PLIN5: variants seen among roughly 807,000 people sequenced by gnomAD.
PLIN5 encodes the protein perilipin 5.
In PLIN5, 34 loss-of-function variants were observed where a neutral mutation model predicts 32.8. That is an observed-to-expected ratio of 1.04 (90% CI 0.79 to 1.38). The LOEUF (loss-of-function observed/expected upper bound fraction) is 1.38. PLIN5 is among the 40% of genes most tolerant of loss of function. PLIN5 has a pLI of 0.00. For missense variants in PLIN5, 712 were observed against 660.5 expected (o/e 1.08, Z -0.85); for synonymous variants, 309 against 292.9 (o/e 1.05, Z -0.56).
Position 4,524,976 on chromosome 19 carries a change from C to T in PLIN5, c.821G>A (p.Arg274His), listed in dbSNP as rs768365970. The change falls in exon 7 of 8, where the codon CGC (arginine) becomes CAC (histidine). Residue 274 changes from arginine to histidine, a missense_variant. Transcript: ENST00000381848. ...GEWGQRPPES[R>H]RRSQAELETL... ...CTGCGGTCTCACCTGGCTCCGGCGG[C>T]GGCTCTCCGGAGGGCGCTGGCCCCA... 91 of 1,531,122 alleles carry T rather than the reference C, an allele frequency of 5.9e-5. No homozygotes were observed. The highest frequency in any genetic ancestry group is 7.0e-5 in the African/African-American group (5 of 70,942). The allele number at this position is 1,531,122 out of a possible 1,614,324, so 94.8% of individuals were successfully genotyped here. A position where few individuals can be genotyped will look rare whatever the true frequency, so the allele number is the denominator to read the frequency against.
chr19:4,527,216 C>CA (rs1217374697), intron 5 of PLIN5, among the ~76,000 whole-genome samples: 2 of 152,030 alleles, frequency 1.3e-5, no homozygotes, highest in Non-Finnish European at 2.9e-5. Context: ...GCTGGGACTA[C>CA]AGGCACCCGC....
chr19:4,534,528 G>A (rs1463615840), intron 1 of PLIN5, among the ~76,000 whole-genome samples: 1 of 152,090 alleles, frequency 6.6e-6, no homozygotes, highest in African/African-American at 2.4e-5. Context: ...GTGCCACCAT[G>A]CTCGGCTAAT....
At chr19:4,529,502 A>G (rs10412918) in intron 4 of PLIN5, 19,314 of 539,038 alleles carry the variant, frequency 0.036, 2,479 homozygotes, top group African/African-American at 0.3. Flanking sequence ...ACACATATAC[A>G]TATATACATG....
chr19:4,524,572 A>G (rs895290668), intron 7 of PLIN5, among the ~76,000 whole-genome samples: 1 of 152,032 alleles, frequency 6.6e-6, no homozygotes, highest in African/African-American at 2.4e-5. Flanking sequence ...ATATAAATAA[A>G]GTGGAAAGTG....
chr19:4,523,966 C>A lies in PLIN5; in HGVS notation c.954G>T (p.Glu318Asp). Reference protein sequence around the residue: ...LPAGAQEKVAEVRRSVDALQT... With the variant: ...LPAGAQEKVADVRRSVDALQT... Reference sequence around the variant, plus strand: ...GCAGGGCATCCACACTGCGCCGCACCTCAGCCACCTTCTCCTGGGCGCCGG... The same window carrying A: ...GCAGGGCATCCACACTGCGCCGCACATCAGCCACCTTCTCCTGGGCGCCGG... Residue 318 changes from glutamate to aspartate, a missense_variant, in exon 8 of 8, where the codon GAG becomes GAT. Physicochemically the swap from Glu to Asp is conservative, Grantham distance 45. Coordinates refer to ENST00000381848, the MANE Select transcript of PLIN5 (RefSeq NM_001013706.3). This position sits in a 1 kb window ranked among gnomAD's most constrained non-coding sequence, Gnocchi z 5.0. The A allele has an allele frequency of 6.5e-7, 1 of 1,527,646 alleles. No individual in the cohort carries two copies. The highest frequency in any genetic ancestry group is 8.7e-7 in the Non-Finnish European group (1 of 1,144,520). 94.6% of individuals were successfully genotyped at this position (1,527,646 alleles called of 1,614,324 possible).
At position 4,534,108 on chromosome 19, in the gene PLIN5, A is replaced by C; in HGVS notation, c.-21-13T>G. ...AAACAGGGTCACCCTGCGGGGCAGG[A>C]TTGAGTAAGGGGAGCACCTGCCCAG... is the stretch of plus-strand genomic sequence containing the variant. On this transcript the variant is annotated splice_polypyrimidine_tract_variant and intron_variant, in intron 1 of 7. Transcript: ENST00000381848. 6.3e-7 allele frequency: 1 copy of C among 1,599,878 alleles called. No individual in the cohort carries two copies. Among genetic ancestry groups the C allele is most frequent in the Non-Finnish European group, 8.5e-7 (1 of 1,173,472 alleles).
intron 1 of PLIN5, among the ~76,000 whole-genome samples, chr19:4,534,602 C>A: frequency 6.6e-6 from 1 of 152,144 alleles, no homozygotes. Context: ...AACTCCTGGG[C>A]TCAAGTGATC....
At position 4,525,048 on chromosome 19, in the gene PLIN5, G is replaced by T; in HGVS notation, c.749C>A (p.Pro250His). 2 of 1,450,258 alleles carry T rather than the reference G, an allele frequency of 1.4e-6. No homozygotes were observed. Among genetic ancestry groups the T allele is most frequent in the Non-Finnish European group, 1.8e-6 (2 of 1,100,886 alleles). 89.8% of individuals were successfully genotyped at this position (1,450,258 alleles called of 1,614,324 possible). Residue 250 changes from proline to histidine, a missense_variant, in exon 7 of 8, where the codon CCC becomes CAC. Coordinates refer to ENST00000381848, the MANE Select transcript of PLIN5 (RefSeq NM_001013706.3). The surrounding 1 kb of genome is among the most constrained non-coding windows in gnomAD (Gnocchi z 5.6). ...LIDHMQCGVT[P>H]TAPACPGKVH... is the part of the protein sequence containing the mutation. ...CTTCCCAGGGCAGGCCGGGGCGGTG[G>T]GGGTCACCCCACACTGCATGTGGTC...
chr19:4,525,715 T>A lies in PLIN5; in HGVS notation c.638A>T (p.Tyr213Phe). 6.2e-7 allele frequency: 1 copy of A among 1,613,732 alleles called. No individual in the cohort carries two copies. Among genetic ancestry groups the A allele is most frequent in the Non-Finnish European group, 8.5e-7 (1 of 1,180,026 alleles). Residue 213 changes from tyrosine to phenylalanine, a missense_variant, in exon 6 of 8, where the codon TAC becomes TTC. By Grantham distance (22) the Tyr-to-Phe change is conservative. Coordinates refer to ENST00000381848, the MANE Select transcript of PLIN5 (RefSeq NM_001013706.3). This position sits in a 1 kb window ranked among gnomAD's most constrained non-coding sequence, Gnocchi z 5.6. ...SLSARIRHLA[Y>F]EHSVGKLRQS... ...CCTCAGTTTCCCCACAGAGTGCTCG[T>A]AGGCCAGGTGGCGGATCCGTGCTGA...
At chr19:4,526,668 C>G (rs906036478) in intron 5 of PLIN5, among the ~76,000 whole-genome samples, 4 of 151,698 alleles carry the variant, frequency 2.6e-5, no homozygotes, top group African/African-American at 9.7e-5. Flanking sequence ...GGCAATACAG[C>G]AAAAAACCCT....
intron 7 of PLIN5, 27 bp downstream of exon 7, chr19:4,524,936 C>CCTCACCTGGCACTCCTGCGGT (rs1343908196): frequency 1.3e-6 from 2 of 1,519,628 alleles, no homozygotes; most frequent in East Asian, 5.3e-5. Flanking sequence ...GCAGACACCA[C>CCTCACCTGGCACTCCTGCGGT]CTCACCTGGC....
At chr19:4,527,538 CAAAAAAAAAAAAAAAAA>C (rs1176219746) in intron 5 of PLIN5, among the ~76,000 whole-genome samples, 4 of 29,682 alleles carry the variant, frequency 1.3e-4, no homozygotes, top group African/African-American at 4.8e-4. Context: ...GACTCCACTT[CAAAAAAAAAAAAAAAAA>C]AAAAAAAAAA....
chr19:4,525,009 C>A lies in PLIN5; in HGVS notation c.788G>T (p.Trp263Leu), dbSNP rs767797126. The A allele has an allele frequency of 2.0e-5, 31 of 1,516,150 alleles. No individual in the cohort carries two copies. The East Asian group carries it at 2.9e-4, about 14-fold the overall frequency. The allele number at this position is 1,516,150 out of a possible 1,614,324, so 93.9% of individuals were successfully genotyped here. A position where few individuals can be genotyped will look rare whatever the true frequency, so the allele number is the denominator to read the frequency against. ...PACPGKVHEL[W>L]GEWGQRPPES... ...CGGAGGGCGCTGGCCCCATTCCCCC[C>A]ACAGCTCGTGCACCTTCCCAGGGCA... is the stretch of plus-strand genomic sequence containing the variant. Residue 263 changes from tryptophan to leucine, a missense_variant, in exon 7 of 8, where the codon TGG becomes TTG. Physicochemically the swap from Trp to Leu is moderately conservative, Grantham distance 61. Coordinates refer to ENST00000381848, the MANE Select transcript of PLIN5 (RefSeq NM_001013706.3). This position sits in a 1 kb window ranked among gnomAD's most constrained non-coding sequence, Gnocchi z 5.6.
chr19:4,535,128 G>A (rs1255649334), intron 1 of PLIN5, 37 bp downstream of exon 1: 1 of 127,288 alleles, frequency 7.9e-6, no homozygotes, highest in Non-Finnish European at 1.7e-5. Context: ...CCTAAGCCCG[G>A]GGGGGCGCTC....
Position 4,524,182 on chromosome 19 carries a change from C to A in PLIN5, c.835-97G>T, listed in dbSNP as rs1431333403. 5 of 1,238,742 alleles carry A rather than the reference C, an allele frequency of 4.0e-6. No homozygotes were observed. In the Admixed American group the frequency reaches 1.5e-4, roughly 36 times the overall value. The allele number at this position is 1,238,742 out of a possible 1,614,324, so 76.7% of individuals were successfully genotyped here. ...GATGGACCCACAGTGGAGCTGTCAA[C>A]CTGTCTCATAGACCTCATAGTCCTG... On this transcript the variant is annotated intron_variant, in intron 7 of 7. Coordinates refer to ENST00000381848, the MANE Select transcript of PLIN5 (RefSeq NM_001013706.3).
chr19:4,531,873 C>A lies in PLIN5; in HGVS notation c.61-51G>T, dbSNP rs1262325963. 4.1e-6 allele frequency: 6 copies of A among 1,453,714 alleles called. No homozygotes were observed. The Admixed American group carries it at 6.7e-5, about 16-fold the overall frequency. 90.1% of individuals were successfully genotyped at this position (1,453,714 alleles called of 1,614,324 possible). Reference sequence around the variant, plus strand: ...GACCCTGGGGGAAGTGGGGCCCTAGCCACACCTCAACCTACTTCCCCTCTC... The same window carrying A: ...GACCCTGGGGGAAGTGGGGCCCTAGACACACCTCAACCTACTTCCCCTCTC... On this transcript the variant is annotated intron_variant, in intron 2 of 7. Transcript: ENST00000381848.
chr19:4,533,514 G>A (rs1976911878), intron 2 of PLIN5: 1 of 185,174 alleles, frequency 5.4e-6, no homozygotes, highest in Non-Finnish European at 1.1e-5. Flanking sequence ...AGTGGCCTCT[G>A]TTCACTTCTG....
Position 4,534,015 on chromosome 19 carries a change from C to G in PLIN5, c.60G>C (p.Gln20His). 1 of 1,612,480 alleles carries G rather than the reference C, an allele frequency of 6.2e-7. No homozygotes were observed. Among genetic ancestry groups the G allele is most frequent in the Non-Finnish European group, 8.5e-7 (1 of 1,179,302 alleles). Residue 20 changes from glutamine (Q) to histidine (H), a missense_variant and splice_region_variant, in exon 2 of 8, where the codon CAG (glutamine) becomes CAC (histidine). Transcript: ENST00000381848. The stretch of plus-strand genomic sequence containing the variant: ...GCTCCATGGGAGGGGCAGCCCTCAC[C>G]TGCTGGTCCTGCTCCCACACACTGG... Reference protein sequence around the residue: ...PRSSVWEQDQQNVVQRVVALP... With the variant: ...PRSSVWEQDQHNVVQRVVALP...
At chr19:4,531,521 A>T in intron 3 of PLIN5, 106 bp downstream of exon 3, 1 of 1,181,066 alleles carries the variant, frequency 8.5e-7, no homozygotes, top group African/African-American at 1.6e-5. Context: ...GCTAGGCTGA[A>T]GATGACCCCC....
Sources: gnomAD v4.1 joint callset for allele counts (sites outside exome capture counted in the v4.1 genomes callset) on GRCh38, gnomAD v4.1.1 for gene constraint, Gnocchi (gnomAD v3.1) non-coding constraint, MANE v1.5 for transcripts, NCBI Gene and HGNC (gene_info 2026-07-23, HGNC 2026-07-21) for gene names.